Variants in ZDHHC14 observed in about 807,000 individuals in gnomAD.
ZDHHC14 encodes zDHHC palmitoyltransferase 14.
A neutral mutation model predicts 47.7 loss-of-function variants in ZDHHC14; 16 were observed. That is an observed-to-expected ratio of 0.34 (90% confidence interval 0.23 to 0.51). ZDHHC14 has a LOEUF of 0.51. Ranked by LOEUF, ZDHHC14 falls within the 20% of genes least tolerant of loss-of-function variation. The pLI, the probability that ZDHHC14 is intolerant of heterozygous loss-of-function variation, is 0.97. For missense variants in ZDHHC14, 515 were observed against 662.5 expected (o/e 0.78, Z 2.44); for synonymous variants, 293 against 278.9 (o/e 1.05, Z -0.50).
At chr6:157,390,489 C>T (rs1370226404) in intron 1 of ZDHHC14, among the ~76,000 whole-genome samples, 1 of 151,954 alleles carries the variant, frequency 6.6e-6, no homozygotes, top group Non-Finnish European at 1.5e-5. Flanking sequence ...TTCTTCAGTA[C>T]CTCTTTTCTT....
At chr6:157,627,450 TC>T (rs1785483949) in intron 3 of ZDHHC14, among the ~76,000 whole-genome samples, 1 of 152,124 alleles carries the variant, frequency 6.6e-6, no homozygotes. Flanking sequence ...CAATAGAAGA[TC>T]AGCTGAGTAG....
chr6:157,513,660 G>A (rs1020038740), intron 1 of ZDHHC14, among the ~76,000 whole-genome samples: 1 of 152,088 alleles, frequency 6.6e-6, no homozygotes, highest in Non-Finnish European at 1.5e-5. Context: ...ATTGTTATGT[G>A]ATTGTACTAT....
chr6:157,575,326 C>T (rs139028092), intron 2 of ZDHHC14, among the ~76,000 whole-genome samples: 63 of 152,202 alleles, frequency 4.1e-4, no homozygotes, highest in African/African-American at 1.3e-3. Flanking sequence ...GGTGGTTGAC[C>T]GAACAACTGG....
At chr6:157,541,885 G>T (rs1373550619) in intron 1 of ZDHHC14, among the ~76,000 whole-genome samples, 1 of 152,208 alleles carries the variant, frequency 6.6e-6, no homozygotes, top group African/African-American at 2.4e-5. Flanking sequence ...CAGTGAAAAG[G>T]TCGAGTTAAG....
At position 157,677,298 on chromosome 6, in the gene ZDHHC14, CT is replaced by C. The variant is rs1189690829; in HGVS notation, c.*4177del. The C allele has an allele frequency of 6.7e-6, 1 of 148,206 alleles. No homozygotes were observed. Among genetic ancestry groups the C allele is most frequent in the Non-Finnish European group, 1.5e-5 (1 of 67,372 alleles). 9.2% of individuals were successfully genotyped at this position (148,206 alleles called of 1,614,324 possible). ...TTGTTCCCTTAAAACGTCTCTCTCT[CT>C]CATAAAACTAAGTTATCATTGAAAT... On this transcript the variant is annotated 3_prime_UTR_variant, in exon 9 of 9. Transcript: ENST00000359775.
chr6:157,563,248 G>A (rs1427663744), intron 2 of ZDHHC14, among the ~76,000 whole-genome samples: 4 of 152,196 alleles, frequency 2.6e-5, no homozygotes, highest in Non-Finnish European at 5.9e-5. Context: ...GAAACACCAC[G>A]GCCACCGCTT....
intron 1 of ZDHHC14, among the ~76,000 whole-genome samples, chr6:157,479,126 C>T (rs551699627): frequency 1.8e-4 from 28 of 152,338 alleles, no homozygotes; most frequent in African/African-American, 6.7e-4. Context: ...TGGAGTCCAC[C>T]TTCCTGGATT....
intron 1 of ZDHHC14, among the ~76,000 whole-genome samples, chr6:157,482,227 G>A (rs574384009): frequency 1.3e-5 from 2 of 151,820 alleles, no homozygotes; most frequent in African/African-American, 4.8e-5. Context: ...GTAGTAAAGT[G>A]AGGACACCTA....
intron 4 of ZDHHC14, chr6:157,630,628 TCA>T (rs1785651074): frequency 7.0e-6 from 1 of 143,402 alleles, no homozygotes; most frequent in African/African-American, 2.6e-5. Context: ...ACCAATATGC[TCA>T]CACATGTACC....
At chr6:157,657,861 T>C (rs1399758848) in intron 8 of ZDHHC14, among the ~76,000 whole-genome samples, 1 of 152,108 alleles carries the variant, frequency 6.6e-6, no homozygotes, top group African/African-American at 2.4e-5. Flanking sequence ...AAGAGGAACA[T>C]TGGAGATGGG....
Position 157,671,785 on chromosome 6 carries a change from A to G in ZDHHC14, c.1069-939A>G, listed in dbSNP as rs189010831. Among the ~76,000 whole-genome samples, 375 of 152,324 alleles carry G rather than the reference A, an allele frequency of 2.5e-3. 6 individuals are homozygous for G. Among genetic ancestry groups the G allele is most frequent in the Non-Finnish European group, 1.1e-3 (73 of 68,030 alleles). On this transcript the variant is annotated intron_variant, in intron 8 of 8. Coordinates refer to ENST00000359775, the MANE Select transcript of ZDHHC14 (RefSeq NM_024630.3). ...CGGGAATGGCTCTTGAAGCTGTTGGAAATTTAGCAGTGGGGAATTCTAGGC... is the reference window on the plus strand; with the variant it reads ...CGGGAATGGCTCTTGAAGCTGTTGGGAATTTAGCAGTGGGGAATTCTAGGC...
chr6:157,558,224 A>C (rs2114835936), intron 2 of ZDHHC14, among the ~76,000 whole-genome samples: 1 of 152,356 alleles, frequency 6.6e-6, no homozygotes, highest in South Asian at 2.1e-4. Flanking sequence ...TGGACAGCAT[A>C]GATCTAAACT....
At chr6:157,445,200 A>T (rs533529553) in intron 1 of ZDHHC14, among the ~76,000 whole-genome samples, 2 of 152,182 alleles carry the variant, frequency 1.3e-5, no homozygotes, top group African/African-American at 4.8e-5. Context: ...TTTTATATAT[A>T]TAAAAACCTG....
chr6:157,469,803 G>A (rs1404658211), intron 1 of ZDHHC14, among the ~76,000 whole-genome samples: 1 of 152,210 alleles, frequency 6.6e-6, no homozygotes, highest in Non-Finnish European at 1.5e-5. Context: ...AGTCCACCAG[G>A]TGCCCGGAAG....
At position 157,653,609 on chromosome 6, in the gene ZDHHC14, G is replaced by A. The variant is rs35358008; in HGVS notation, c.1050G>A (p.Thr350=). 74 of 1,613,482 alleles carry A rather than the reference G, an allele frequency of 4.6e-5. No individual in the cohort carries two copies. The Admixed American group carries it at 9.8e-4, about 21-fold the overall frequency. Reference sequence around the variant, plus strand: ...ATGGCATCACCATGTACGGGGCCACGCAGTCACAGAGTGACATGGTAGGAG... The same window carrying A: ...ATGGCATCACCATGTACGGGGCCACACAGTCACAGAGTGACATGGTAGGAG... ...PSNGITMYGA[T]QSQSDMCDQD... The change falls in exon 8 of 9, where the codon ACG becomes ACA. Residue 350 remains threonine, a synonymous_variant. Coordinates refer to ENST00000359775, the MANE Select transcript of ZDHHC14 (RefSeq NM_024630.3).
At chr6:157,564,868 A>G (rs1370346688) in intron 2 of ZDHHC14, among the ~76,000 whole-genome samples, 1 of 152,216 alleles carries the variant, frequency 6.6e-6, no homozygotes, top group African/African-American at 2.4e-5. Context: ...TCCAAGGTCA[A>G]TACGGGGCAG....
chr6:157,414,511 G>A (rs1777934940), intron 1 of ZDHHC14, among the ~76,000 whole-genome samples: 1 of 152,188 alleles, frequency 6.6e-6, no homozygotes, highest in Non-Finnish European at 1.5e-5. Context: ...GCCTGAGGAA[G>A]TGCTGGTGTT....
At chr6:157,556,650 G>A (rs866424719) in intron 2 of ZDHHC14, among the ~76,000 whole-genome samples, 11 of 152,182 alleles carry the variant, frequency 7.2e-5, no homozygotes, top group Admixed American at 2.6e-4. Context: ...TCAGGAGCAC[G>A]TACAGAGTGA....
At chr6:157,623,806 C>T (rs190009122) in intron 3 of ZDHHC14, among the ~76,000 whole-genome samples, 1 of 152,238 alleles carries the variant, frequency 6.6e-6, no homozygotes, top group East Asian at 1.9e-4. Context: ...CCTCGGCCTC[C>T]CAAAATGCTG....
Sources: allele counts gnomAD v4.1 joint callset (sites outside exome capture counted in the v4.1 genomes callset), GRCh38; gene constraint gnomAD v4.1.1; transcripts MANE v1.5; gene names NCBI Gene and HGNC (gene_info 2026-07-23, HGNC 2026-07-21).